Variants in ATP9B observed in about 807,000 individuals in gnomAD.
The protein encoded by ATP9B is probable phospholipid-transporting ATPase IIB.
Under a neutral mutation model 146.1 loss-of-function variants are expected in ATP9B, and 110 were observed. The observed-to-expected ratio is 0.75, with a 90% CI of 0.65 to 0.88. The LOEUF (loss-of-function observed/expected upper bound fraction) is 0.88, where lower values mean the gene tolerates loss of function less well. Among genes scored for constraint, ATP9B ranks in the 40% least tolerant of loss-of-function variants. The pLI, the probability that ATP9B is intolerant of heterozygous loss-of-function variation, is 0.00. For missense variants in ATP9B, 1,499 were observed against 1,496.4 expected (o/e 1.00, Z -0.03); for synonymous variants, 604 against 569.7 (o/e 1.06, Z -0.86).
chr18:79,142,389 T>C (rs2094524539), intron 5 of ATP9B, among the ~76,000 whole-genome samples: 1 of 152,204 alleles, frequency 6.6e-6, no homozygotes, highest in Non-Finnish European at 1.5e-5. Flanking sequence ...ATGACTGTAG[T>C]GTTTCTTTTT....
intron 4 of ATP9B, among the ~76,000 whole-genome samples, chr18:79,113,708 T>TAA (rs1464809909): frequency 1.3e-5 from 2 of 152,192 alleles, no homozygotes; most frequent in African/African-American, 2.4e-5. Context: ...TCTGTTCTGT[T>TAA]ACTCTCTTCA....
intron 5 of ATP9B, among the ~76,000 whole-genome samples, chr18:79,141,602 T>G (rs764031044): frequency 2.1e-4 from 32 of 152,362 alleles, no homozygotes; most frequent in Non-Finnish European, 2.6e-4. Flanking sequence ...ACTCTGAGAT[T>G]ATTAAATTCT....
At position 79,069,460 on chromosome 18, in the gene ATP9B, C is replaced by G; in HGVS notation, c.50C>G (p.Ala17Gly). Residue 17 changes from alanine to glycine, a missense_variant, in exon 1 of 30, where the codon GCA becomes GGA. Physicochemically the swap from Ala to Gly is moderately conservative, Grantham distance 60 (BLOSUM62 0). Coordinates refer to ENST00000426216, the MANE Select transcript of ATP9B (RefSeq NM_198531.5). ...CCGGTGCGTAGCGCAGCGGCGGCCG[C>G]AGCCAACCGCAAACGCGCGGCCTAC... ...LYPVRSAAAAAANRKRAAYYS... is the reference protein window; with the variant it reads ...LYPVRSAAAAGANRKRAAYYS... 6.6e-7 allele frequency: 1 copy of G among 1,509,270 alleles called. No individual in the cohort carries two copies. The highest frequency in any genetic ancestry group is 2.2e-5 in the Admixed American group (1 of 44,796). 93.5% of individuals were successfully genotyped at this position (1,509,270 alleles called of 1,614,324 possible).
At chr18:79,089,882 A>G (rs1391072901) in intron 1 of ATP9B, among the ~76,000 whole-genome samples, 1 of 152,034 alleles carries the variant, frequency 6.6e-6, no homozygotes, top group Non-Finnish European at 1.5e-5. Flanking sequence ...ATCTAACTGT[A>G]TTTTTATACC....
chr18:79,089,937 C>T (rs1251116483), intron 1 of ATP9B, among the ~76,000 whole-genome samples: 1 of 152,202 alleles, frequency 6.6e-6, no homozygotes. Flanking sequence ...CTACCCTTCC[C>T]AGCCTCTGAT....
At chr18:79,284,038 T>C (rs2096407772) in intron 13 of ATP9B, among the ~76,000 whole-genome samples, 1 of 152,198 alleles carries the variant, frequency 6.6e-6, no homozygotes, top group East Asian at 1.9e-4. Context: ...ATTTTAATTA[T>C]AGCATCCATT....
chr18:79,098,261 C>T (rs940862468), intron 2 of ATP9B, among the ~76,000 whole-genome samples: 9 of 151,654 alleles, frequency 5.9e-5, no homozygotes, highest in African/African-American at 2.2e-4. Flanking sequence ...AAACGTTAGA[C>T]CTAAAACCAT....
chr18:79,344,932 G>T (rs116245595), intron 21 of ATP9B, among the ~76,000 whole-genome samples: 2,315 of 152,320 alleles, frequency 0.015, 63 homozygotes, highest in African/African-American at 0.053. Context: ...GGGAACTGTG[G>T]CACCGGGGCT....
chr18:79,218,773 T>C lies in ATP9B; in HGVS notation c.1107+4735T>C, dbSNP rs140888892. Among the ~76,000 whole-genome samples the C allele has an allele frequency of 5.4e-3, 828 of 152,348 alleles. 2 individuals are homozygous for C. The highest frequency in any genetic ancestry group is 0.019 in the African/African-American group (769 of 41,566). On this transcript the variant is annotated intron_variant, in intron 11 of 29. Transcript: ENST00000426216. ...GGCCAATTACATACTGACTGATTCT[T>C]AAGGCTTTGCGAGCGAGTGATATGG...
At chr18:79,124,490 G>A (rs1218309754) in intron 4 of ATP9B, among the ~76,000 whole-genome samples, 1 of 152,260 alleles carries the variant, frequency 6.6e-6, no homozygotes, top group Non-Finnish European at 1.5e-5. Flanking sequence ...CTTCTTTGCA[G>A]ATGGGGCACA....
intron 13 of ATP9B, among the ~76,000 whole-genome samples, chr18:79,288,276 A>G (rs2096465037): frequency 6.6e-6 from 1 of 150,498 alleles, no homozygotes; most frequent in African/African-American, 2.4e-5. Flanking sequence ...GTCACTCAGG[A>G]CTTGCTTTAT....
rs143823174 is a variant in ATP9B at position 79,208,456 on chromosome 18, A to G, written c.1030+1444A>G. On this transcript the variant is annotated intron_variant, in intron 10 of 29. Transcript: ENST00000426216. ...GGGCCAGTGTGCTAGGCCCATGGAG[A>G]AGGCAGGTGTCACACAACAGGGCAG... 1.1e-4 allele frequency among the ~76,000 whole-genome samples: 17 copies of G among 152,288 alleles called. No homozygotes were observed. In the East Asian group the frequency reaches 3.1e-3, roughly 28 times the overall value.
intron 2 of ATP9B, among the ~76,000 whole-genome samples, chr18:79,110,125 A>G (rs2075906362): frequency 6.6e-6 from 1 of 152,194 alleles, no homozygotes; most frequent in South Asian, 2.1e-4. Flanking sequence ...GTCTAAACAG[A>G]AAGATAATTC....
intron 23 of ATP9B, among the ~76,000 whole-genome samples, chr18:79,347,346 T>C (rs2096895323): frequency 6.6e-6 from 1 of 152,210 alleles, no homozygotes; most frequent in African/African-American, 2.4e-5. Flanking sequence ...TTTCTTCAAA[T>C]ATGAAAAAAC....
intron 11 of ATP9B, among the ~76,000 whole-genome samples, chr18:79,232,349 A>G (rs983923813): frequency 2.6e-5 from 4 of 152,230 alleles, no homozygotes; most frequent in Non-Finnish European, 2.9e-5. Context: ...TGTGATAAAC[A>G]TGAGTTCTCT....
intron 28 of ATP9B, among the ~76,000 whole-genome samples, chr18:79,374,726 C>T (rs942638991): frequency 3.3e-5 from 5 of 152,260 alleles, no homozygotes; most frequent in African/African-American, 1.2e-4. Context: ...CCTGTTCTTA[C>T]ATAAAAGAAC....
At chr18:79,091,506 AAGT>A (rs1365168904) in intron 1 of ATP9B, among the ~76,000 whole-genome samples, 1 of 152,110 alleles carries the variant, frequency 6.6e-6, no homozygotes, top group East Asian at 1.9e-4. Context: ...TTCTTCGGTG[AAGT>A]TAATTCCTAG....
chr18:79,285,735 G>C (rs1206791951), intron 13 of ATP9B, among the ~76,000 whole-genome samples: 1 of 152,176 alleles, frequency 6.6e-6, no homozygotes, highest in Non-Finnish European at 1.5e-5. Context: ...CTCTTCTAGA[G>C]TTTTTATGGT....
At chr18:79,273,744 G>A (rs927175601) in intron 12 of ATP9B, among the ~76,000 whole-genome samples, 5 of 152,228 alleles carry the variant, frequency 3.3e-5, no homozygotes, top group African/African-American at 1.2e-4. Context: ...TTAGGAAAAC[G>A]CACTTCAAAT....
Sources: allele counts gnomAD v4.1 joint callset (sites outside exome capture counted in the v4.1 genomes callset), GRCh38; gene constraint gnomAD v4.1.1; transcripts MANE v1.5; gene names NCBI Gene and HGNC (gene_info 2026-07-23, HGNC 2026-07-21).